The following SCN9A variants were observed in gnomAD, a reference collection of about 807,000 sequenced individuals.
The protein encoded by SCN9A is sodium channel protein type 9 subunit alpha.
Under a neutral mutation model 187.0 loss-of-function variants are expected in SCN9A, and 131 were observed. The ratio of observed to expected loss-of-function variants is 0.70; its 90% CI spans 0.61 to 0.81. The LOEUF (loss-of-function observed/expected upper bound fraction) is 0.81. Ranked by LOEUF, SCN9A falls within the 30% of genes least tolerant of loss-of-function variation. SCN9A has a pLI of 0.00. For synonymous variants in SCN9A, 809 were observed against 808.6 expected (o/e 1.00, Z -0.01); for missense variants, 2,252 against 2,396.6 (o/e 0.94, Z 1.26).
At chr2:166,215,833 T>C (rs1267782146) in intron 24 of SCN9A, among the ~76,000 whole-genome samples, 1 of 149,170 alleles carries the variant, frequency 6.7e-6, no homozygotes, top group Non-Finnish European at 1.5e-5. Context: ...AGAAGTAATA[T>C]GAATTCTTCT....
In SCN9A at chr2:166,198,698, T is replaced by G; in HGVS notation, c.5941A>C (p.Lys1981Gln). The stretch of plus-strand genomic sequence containing the variant: ...TATTTTTTGCTTTCCTTGCTGTCTT[T>G]CCCTTTGTCTTCCTTTTCTGTTCTG... ...QDRTEKEDKG[K>Q]DSKESKK The change falls in exon 27 of 27, where the codon AAA becomes CAA. Residue 1981 changes from lysine to glutamine, a missense_variant. By Grantham distance (53) the Lys-to-Gln change is moderately conservative. This residue lies in a region of SCN9A where 345 missense variants were observed against 344.6 expected (regional missense o/e 1.00). Transcript: ENST00000642356. 1 of 1,605,418 alleles carries G rather than the reference T, an allele frequency of 6.2e-7. No individual in the cohort carries two copies. Among genetic ancestry groups the G allele is most frequent in the Non-Finnish European group, 8.5e-7 (1 of 1,176,450 alleles).
At position 166,277,162 on chromosome 2, in the gene SCN9A, T is replaced by A. The variant is rs903068590; in HGVS notation, c.2695A>T (p.Ile899Phe). The A allele has an allele frequency of 2.5e-6, 4 of 1,613,928 alleles. No homozygotes were observed. In the Admixed American group the frequency reaches 6.7e-5, roughly 27 times the overall value. Residue 899 changes from isoleucine (I) to phenylalanine (F), a missense_variant, in exon 16 of 27, where the codon ATC (isoleucine) becomes TTC (phenylalanine). Physicochemically the swap from Ile to Phe is conservative, Grantham distance 21. Coordinates refer to ENST00000642356, the MANE Select transcript of SCN9A (RefSeq NM_001365536.1). ...GKSYKECVCK[I>F]NDDCTLPRWH... is the part of the protein sequence containing the mutation. Reference sequence around the variant, plus strand: ...CGTGGGAGCGTACAGTCATCATTGATCTTGCAGACACATTCTTTGTAGCTC... The same window carrying A: ...CGTGGGAGCGTACAGTCATCATTGAACTTGCAGACACATTCTTTGTAGCTC...
chr2:166,366,591 A>C (rs1700423074), intron 1 of SCN9A, among the ~76,000 whole-genome samples: 1 of 152,150 alleles, frequency 6.6e-6, no homozygotes, highest in Admixed American at 6.5e-5. Flanking sequence ...TAGCAGCTAC[A>C]CTATTATACA....
At chr2:166,234,988 C>G (rs563882073) in intron 20 of SCN9A, among the ~76,000 whole-genome samples, 9 of 152,192 alleles carry the variant, frequency 5.9e-5, no homozygotes, top group African/African-American at 2.2e-4. Context: ...TCAGTGAACA[C>G]CCCTCGCCAT....
chr2:166,363,094 T>C (rs1446845324), intron 1 of SCN9A, among the ~76,000 whole-genome samples: 1 of 151,996 alleles, frequency 6.6e-6, no homozygotes, highest in African/African-American at 2.4e-5. Context: ...ACCTTAAAAC[T>C]TCAGTTTTCG....
chr2:166,367,279 T>C (rs1013626007), intron 1 of SCN9A, among the ~76,000 whole-genome samples: 5 of 152,174 alleles, frequency 3.3e-5, no homozygotes, highest in African/African-American at 1.2e-4. Flanking sequence ...ATTTTTTTTC[T>C]TGAGACTGAG....
chr2:166,285,336 G>A (rs1196940936), intron 11 of SCN9A, among the ~76,000 whole-genome samples: 1 of 152,144 alleles, frequency 6.6e-6, no homozygotes, highest in Non-Finnish European at 1.5e-5. Context: ...TTAAAAAGAA[G>A]TTGCCCAATA....
intron 2 of SCN9A, among the ~76,000 whole-genome samples, chr2:166,309,788 G>A (rs1050642814): frequency 1.9e-4 from 28 of 147,258 alleles, no homozygotes; most frequent in Non-Finnish European, 3.6e-4. Flanking sequence ...AGCCCGCATC[G>A]CCAAGTCAAT....
intron 16 of SCN9A, 102 bp downstream of exon 16, chr2:166,276,881 T>C: frequency 1.1e-6 from 1 of 881,914 alleles, no homozygotes; most frequent in South Asian, 4.1e-5. Flanking sequence ...CAATTAATAA[T>C]TGTAGATATA....
chr2:166,204,469 A>C lies in SCN9A; in HGVS notation c.4399-5T>G, dbSNP rs1014767149. Reference sequence around the variant, plus strand: ...AAAGATGTCTTGACCTCCAAGGTAAAGAAACAAACAAAAAATAAATGTAGT... The same window carrying C: ...AAAGATGTCTTGACCTCCAAGGTAACGAAACAAACAAAAAATAAATGTAGT... On this transcript the variant is annotated splice_region_variant and splice_polypyrimidine_tract_variant and intron_variant, in intron 24 of 26. Coordinates refer to ENST00000642356, the MANE Select transcript of SCN9A (RefSeq NM_001365536.1). The C allele has an allele frequency of 7.1e-7, 1 of 1,406,022 alleles. No homozygotes were observed. The allele number at this position is 1,406,022 out of a possible 1,614,324, so 87.1% of individuals were successfully genotyped here.
At chr2:166,340,587 TTTCTTTCTTTC>T (rs1699755061) in intron 1 of SCN9A, among the ~76,000 whole-genome samples, 1 of 87,562 alleles carries the variant, frequency 1.1e-5, no homozygotes, top group Admixed American at 1.1e-4. Context: ...TCTTTCTTTC[TTTCTTTCTTTC>T]TTTCTTTTTC....
At position 166,336,285 on chromosome 2, in the gene SCN9A, C is replaced by T. The variant is rs115099720; in HGVS notation, c.-50-24479G>A. ...CAATTACTGTCGCAGAAAAATGGCT[C>T]CAACTGTCAAATTTTTGTAATTTAT... On this transcript the variant is annotated intron_variant, in intron 1 of 26. Transcript: ENST00000642356. 8.3e-3 allele frequency among the ~76,000 whole-genome samples: 1,268 copies of T among 152,100 alleles called. 4 individuals are homozygous for T. Among genetic ancestry groups the T allele is most frequent in the Non-Finnish European group, 0.015 (1,021 of 67,966 alleles).
At chr2:166,311,903 A>C in intron 1 of SCN9A, 97 bp from the exon 2 acceptor site, 1 of 665,066 alleles carries the variant, frequency 1.5e-6, no homozygotes, top group Non-Finnish European at 2.4e-6. Context: ...TTTTAGTTTC[A>C]ACTACAAAAG....
chr2:166,232,750 T>G lies in SCN9A; in HGVS notation c.3924+590A>C, dbSNP rs936056434. Among the ~76,000 whole-genome samples, 127 of 113,984 alleles carry G rather than the reference T, an allele frequency of 1.1e-3. 2 individuals carry two copies. Among genetic ancestry groups the G allele is most frequent in the South Asian group, 7.8e-3 (28 of 3,586 alleles). 74.8% of individuals were successfully genotyped at this position (113,984 alleles called of 152,430 possible). A position where few individuals can be genotyped will look rare whatever the true frequency, so the allele number is the denominator to read the frequency against. On this transcript the variant is annotated intron_variant, in intron 21 of 26. Coordinates refer to ENST00000642356, the MANE Select transcript of SCN9A (RefSeq NM_001365536.1). Reference sequence around the variant, plus strand: ...TACTGTGTGTGTATATATATATATATATAGAGAGAGAGAGAGTATGCATAT... The same window carrying G: ...TACTGTGTGTGTATATATATATATAGATAGAGAGAGAGAGAGTATGCATAT...
At chr2:166,304,613 A>G (rs1698691666) in intron 5 of SCN9A, among the ~76,000 whole-genome samples, 1 of 152,134 alleles carries the variant, frequency 6.6e-6, no homozygotes, top group Admixed American at 6.6e-5. Flanking sequence ...GGTAATTTAG[A>G]CTTTTAATTT....
rs1185620144 is a variant in SCN9A at position 166,236,813 on chromosome 2, A to G, written c.3801+1281T>C. Among the ~76,000 whole-genome samples, 4 of 152,202 alleles carry G rather than the reference A, an allele frequency of 2.6e-5. No homozygotes were observed. The East Asian group carries it at 7.7e-4, about 29-fold the overall frequency. On this transcript the variant is annotated intron_variant, in intron 20 of 26. Transcript: ENST00000642356. The stretch of plus-strand genomic sequence containing the variant: ...TAATTTGGTAACATTTTGCAGTCAG[A>G]TTTTACTATGTATGATCATGCTTAC...
chr2:166,268,950 G>T (rs574677426), intron 17 of SCN9A, among the ~76,000 whole-genome samples: 4 of 151,694 alleles, frequency 2.6e-5, no homozygotes, highest in Non-Finnish European at 5.9e-5. Flanking sequence ...TTTTAAAATG[G>T]CTTGCTAATT....
chr2:166,228,134 T>C (rs536493891), intron 22 of SCN9A, among the ~76,000 whole-genome samples: 13 of 152,048 alleles, frequency 8.5e-5, no homozygotes, highest in African/African-American at 3.1e-4. Flanking sequence ...ATTTGAATGG[T>C]GCAAGATGGG....
intron 9 of SCN9A, among the ~76,000 whole-genome samples, chr2:166,290,617 C>A (rs1698018947): frequency 6.6e-6 from 1 of 152,134 alleles, no homozygotes; most frequent in South Asian, 2.1e-4. Flanking sequence ...TTCTGACTGA[C>A]TTGAGATGGT....
Sources: allele counts gnomAD v4.1 joint callset (sites outside exome capture counted in the v4.1 genomes callset), GRCh38; gene constraint gnomAD v4.1.1; regional missense constraint gnomAD v4.1.1; transcripts MANE v1.5; gene names NCBI Gene and HGNC (gene_info 2026-07-23, HGNC 2026-07-21).